The following GPR160 variants were observed in gnomAD, a reference collection of about 807,000 sequenced individuals.
GPR160 encodes the protein probable G protein-coupled receptor 160.
GPR160 carries 2 observed loss-of-function variants against 2.6 expected under a neutral mutation model. The ratio of observed to expected loss-of-function variants is 0.77; its 90% CI spans 0.32 to 2.44. GPR160 has a LOEUF of 2.44. Among genes scored for constraint, GPR160 ranks in the 30% most tolerant of loss-of-function variants. The probability of loss-of-function intolerance (pLI) is 0.11; values close to 1 mark genes in which losing one functional copy is unlikely to be tolerated. For synonymous variants in GPR160, 130 were observed against 132.2 expected (o/e 0.98, Z 0.12); for missense variants, 351 against 383.6 (o/e 0.91, Z 0.71).
At chr3:170,048,163 G>A (rs567217812) in intron 2 of GPR160, among the ~76,000 whole-genome samples, 1 of 152,314 alleles carries the variant, frequency 6.6e-6, no homozygotes, top group South Asian at 2.1e-4. Flanking sequence ...CTCAGGAATC[G>A]AAAACGAAAT....
intron 2 of GPR160, among the ~76,000 whole-genome samples, chr3:170,041,427 G>A (rs780385357): frequency 3.3e-5 from 5 of 150,104 alleles, no homozygotes; most frequent in Non-Finnish European, 5.9e-5. Flanking sequence ...TCAGCCTCCC[G>A]AGCAGCTGGG....
At chr3:170,055,311 T>C (rs1378496524) in intron 2 of GPR160, among the ~76,000 whole-genome samples, 2 of 152,188 alleles carry the variant, frequency 1.3e-5, no homozygotes, top group Non-Finnish European at 1.5e-5. Context: ...CACCTGACAA[T>C]GTGATGGTGA....
chr3:170,070,851 GT>G (rs1576908690), intron 2 of GPR160, among the ~76,000 whole-genome samples: 1 of 152,066 alleles, frequency 6.6e-6, no homozygotes, highest in Admixed American at 6.5e-5. Flanking sequence ...TTAATTCCAG[GT>G]TTTTACTTTT....
At chr3:170,082,157 C>A (rs1393179190) in intron 3 of GPR160, among the ~76,000 whole-genome samples, 1 of 152,134 alleles carries the variant, frequency 6.6e-6, no homozygotes, top group African/African-American at 2.4e-5. Flanking sequence ...GTATTGGTAA[C>A]TTGATATGTA....
chr3:170,081,307 T>G (rs1320884698), intron 3 of GPR160, among the ~76,000 whole-genome samples: 1 of 152,234 alleles, frequency 6.6e-6, no homozygotes, highest in Non-Finnish European at 1.5e-5. Context: ...TGTGCCCTTG[T>G]ATATCAAATC....
intron 2 of GPR160, chr3:170,077,728 G>T (rs1292383032): frequency 1.3e-5 from 2 of 152,312 alleles, no homozygotes; most frequent in African/African-American, 4.8e-5. Context: ...AAAGCAAGCA[G>T]CTCCAGCTGT....
At position 170,038,113 on chromosome 3, in the gene GPR160, G is replaced by T; in HGVS notation, c.-424G>T. 1.3e-5 allele frequency: 2 copies of T among 152,806 alleles called. No individual in the cohort carries two copies. Among genetic ancestry groups the T allele is most frequent in the South Asian group, 3.7e-4 (2 of 5,452 alleles). 9.5% of individuals were successfully genotyped at this position (152,806 alleles called of 1,614,324 possible). On this transcript the variant is annotated 5_prime_UTR_variant, in exon 1 of 4. Transcript: ENST00000355897. This position sits in a 1 kb window ranked among gnomAD's most constrained non-coding sequence, Gnocchi z 5.3. ...GGGGCGGGGCGGGGCGGGACCAGGC[G>T]GGCGAGCTGGGCCCTCGCCCCTCCC...
At chr3:170,079,486 T>C (rs988262811) in intron 2 of GPR160, among the ~76,000 whole-genome samples, 2 of 152,204 alleles carry the variant, frequency 1.3e-5, no homozygotes, top group African/African-American at 4.8e-5. Flanking sequence ...ACCAAACACT[T>C]TGGAGGACAG....
intron 2 of GPR160, chr3:170,062,814 T>C (rs1712037074): frequency 1.6e-6 from 1 of 617,136 alleles, no homozygotes; most frequent in Non-Finnish European, 2.9e-6. Context: ...AATAGATGAA[T>C]TGGTTGAAAG....
At chr3:170,049,646 G>A (rs991535493) in intron 2 of GPR160, among the ~76,000 whole-genome samples, 4 of 152,224 alleles carry the variant, frequency 2.6e-5, no homozygotes, top group African/African-American at 9.7e-5. Flanking sequence ...CGCCTCCAGG[G>A]CTGGTGTAGA....
chr3:170,064,107 G>T (rs1479930169), intron 2 of GPR160, among the ~76,000 whole-genome samples: 1 of 152,060 alleles, frequency 6.6e-6, no homozygotes, highest in East Asian at 1.9e-4. Context: ...TTTGGGGGGG[G>T]CATTGCTTTT....
At chr3:170,063,835 G>T (rs942953296) in intron 2 of GPR160, among the ~76,000 whole-genome samples, 1 of 152,096 alleles carries the variant, frequency 6.6e-6, no homozygotes, top group African/African-American at 2.4e-5. Flanking sequence ...TACTGAGCTC[G>T]TGGCCCTGAG....
intron 2 of GPR160, chr3:170,077,844 G>T (rs1712940901): frequency 1.3e-5 from 2 of 158,872 alleles, no homozygotes; most frequent in Non-Finnish European, 2.8e-5. Flanking sequence ...CTTGGCCAGG[G>T]TCTGTGGGAC....
chr3:170,039,533 A>C (rs892448924), intron 2 of GPR160, among the ~76,000 whole-genome samples: 3 of 152,084 alleles, frequency 2.0e-5, no homozygotes, highest in Non-Finnish European at 2.9e-5. Context: ...ACATGGTGAA[A>C]CCCTTCTCTA....
chr3:170,052,996 A>G (rs576016957), intron 2 of GPR160, among the ~76,000 whole-genome samples: 1 of 152,198 alleles, frequency 6.6e-6, no homozygotes, highest in East Asian at 1.9e-4. Context: ...TTGCATTGGT[A>G]CTTTCTTATA....
intron 2 of GPR160, among the ~76,000 whole-genome samples, chr3:170,065,212 A>G (rs888935971): frequency 2.0e-5 from 3 of 152,256 alleles, no homozygotes; most frequent in Non-Finnish European, 4.4e-5. Flanking sequence ...CATTACAATT[A>G]CATTTCCTTT....
chr3:170,063,016 A>C (rs971137012), intron 2 of GPR160: 9 of 201,238 alleles, frequency 4.5e-5, no homozygotes, highest in African/African-American at 2.1e-4. Flanking sequence ...GCGCCACCGC[A>C]CTCCATCCTG....
chr3:170,083,939 T>A lies in GPR160; in HGVS notation c.-34T>A. ...ATGAAGCAGTGTTTTATCATGTGTA[T>A]TTCAGCAGGTCTTCTTGAAATTTAA... On this transcript the variant is annotated 5_prime_UTR_variant, in exon 4 of 4. Coordinates refer to ENST00000355897, the MANE Select transcript of GPR160 (RefSeq NM_014373.3). 1 of 1,279,064 alleles carries A rather than the reference T, an allele frequency of 7.8e-7. No homozygotes were observed. Among genetic ancestry groups the A allele is most frequent in the South Asian group, 1.9e-5 (1 of 53,476 alleles). 79.2% of individuals were successfully genotyped at this position (1,279,064 alleles called of 1,614,324 possible).
intron 2 of GPR160, chr3:170,077,492 G>C (rs756644256): frequency 2.0e-5 from 3 of 152,188 alleles, no homozygotes; most frequent in Non-Finnish European, 4.4e-5. Context: ...CTTCAGGGGA[G>C]AATAAGCTGA....
Sources: gnomAD v4.1 joint callset for allele counts (sites outside exome capture counted in the v4.1 genomes callset) on GRCh38, gnomAD v4.1.1 for gene constraint, Gnocchi (gnomAD v3.1) non-coding constraint, MANE v1.5 for transcripts, NCBI Gene and HGNC (gene_info 2026-07-23, HGNC 2026-07-21) for gene names.